OLIG2: variants seen among roughly 807,000 people sequenced by gnomAD.
OLIG2 encodes basic domain, helix-loop-helix protein, class B, 1.
In OLIG2, 12 loss-of-function variants were observed where a neutral mutation model predicts 13.4. The observed-to-expected ratio is 0.90, with a 90% CI of 0.58 to 1.46. The LOEUF (loss-of-function observed/expected upper bound fraction) is 1.46. OLIG2 is among the 40% of genes most tolerant of loss of function. The pLI is 0.00. For missense variants in OLIG2, 415 were observed against 487.9 expected (o/e 0.85, Z 1.41); for synonymous variants, 250 against 233.6 (o/e 1.07, Z -0.64).
At position 33,026,609 on chromosome 21, in the gene OLIG2, C is replaced by G. The variant is rs994097532; in HGVS notation, c.-62-192C>G. 4 of 563,290 alleles carry G rather than the reference C, an allele frequency of 7.1e-6. No homozygotes were observed. Among genetic ancestry groups the G allele is most frequent in the Non-Finnish European group, 1.3e-5 (4 of 316,598 alleles). The allele number at this position is 563,290 out of a possible 1,614,324, so 34.9% of individuals were successfully genotyped here. ...GAGAGAGCTTAATTATAGGTACCCG[C>G]GTGCAGCTAAAAGGAGGGCCAGAGA... On this transcript the variant is annotated intron_variant, in intron 1 of 1. Transcript: ENST00000382357. The surrounding 1 kb of genome is among the most constrained non-coding windows in gnomAD (Gnocchi z 6.6).
rs1236584906 is a variant in OLIG2, at chr21:33,028,631, AG to A, written c.*801del. The A allele has an allele frequency of 4.2e-6, 1 of 239,354 alleles. No individual in the cohort carries two copies. The allele number at this position is 239,354 out of a possible 1,614,324, so 14.8% of individuals were successfully genotyped here. On this transcript the variant is annotated 3_prime_UTR_variant, in exon 2 of 2. Coordinates refer to ENST00000382357, the MANE Select transcript of OLIG2 (RefSeq NM_005806.4). ...GGAATAACCCAAAACTGCCGATTTC[AG>A]GGGCGGGTGCATTGTAGTTATTATT...
chr21:33,029,116 A>G lies in OLIG2; in HGVS notation c.*1282A>G. 4.6e-6 allele frequency: 1 copy of G among 215,684 alleles called. No individual in the cohort carries two copies. The highest frequency in any genetic ancestry group is 1.0e-5 in the Non-Finnish European group (1 of 97,402). The allele number at this position is 215,684 out of a possible 1,614,324, so 13.4% of individuals were successfully genotyped here. ...TTTATTTTTGTAAAAACAAAGTGCT[A>G]AATAATATTTATTACTTGTTTGGTT... On this transcript the variant is annotated 3_prime_UTR_variant, in exon 2 of 2. Transcript: ENST00000382357.
In OLIG2 at chr21:33,026,752, C is replaced by CT. The variant is rs1568808261; in HGVS notation, c.-62-49_-62-48insT. 3.0e-5 allele frequency: 40 copies of CT among 1,323,320 alleles called. No homozygotes were observed. The highest frequency in any genetic ancestry group is 2.2e-4 in the African/African-American group (15 of 67,922). 82.0% of individuals were successfully genotyped at this position (1,323,320 alleles called of 1,614,324 possible). On this transcript the variant is annotated intron_variant, in intron 1 of 1. Transcript: ENST00000382357. This position sits in a 1 kb window ranked among gnomAD's most constrained non-coding sequence, Gnocchi z 6.6. ...TCACTGACTCACTCTCTCTCTCTCT[C>CT]CCTCTCTCTCTCTCTCATTCTCTCT... is the stretch of plus-strand genomic sequence containing the variant.
rs531681936 is a variant in OLIG2 at position 33,027,952 on chromosome 21, G to T, written c.*118G>T. The T allele has an allele frequency of 3.5e-6, 4 of 1,155,124 alleles. No homozygotes were observed. The Admixed American group carries it at 1.7e-4, about 49-fold the overall frequency. The allele number at this position is 1,155,124 out of a possible 1,614,324, so 71.6% of individuals were successfully genotyped here. ...GAGGAGGGGCGCAGGACCATGGACT[G>T]GGGGTGGGGCATGGTGGGGATTCCA... On this transcript the variant is annotated 3_prime_UTR_variant, in exon 2 of 2. Transcript: ENST00000382357.
chr21:33,027,980 A>G lies in OLIG2; in HGVS notation c.*146A>G. On this transcript the variant is annotated 3_prime_UTR_variant, in exon 2 of 2. Coordinates refer to ENST00000382357, the MANE Select transcript of OLIG2 (RefSeq NM_005806.4). ...GGTGGGGCATGGTGGGGATTCCAGC[A>G]TCTGCGAACCCAAGCAATGGGGGCG... The G allele has an allele frequency of 1.1e-6, 1 of 941,184 alleles. No individual in the cohort carries two copies. Among genetic ancestry groups the G allele is most frequent in the Non-Finnish European group, 1.5e-6 (1 of 685,546 alleles). 58.3% of individuals were successfully genotyped at this position (941,184 alleles called of 1,614,324 possible).
Position 33,026,942 on chromosome 21 carries a change from A to C in OLIG2, c.80A>C (p.Lys27Thr). 6.2e-7 allele frequency: 1 copy of C among 1,612,470 alleles called. No individual in the cohort carries two copies. Among genetic ancestry groups the C allele is most frequent in the Non-Finnish European group, 8.5e-7 (1 of 1,179,904 alleles). The change falls in exon 2 of 2, where the codon AAG becomes ACG. Residue 27 changes from lysine (K) to threonine (T), a missense_variant. Lys to Thr is a moderately conservative substitution (Grantham distance 78, BLOSUM62 -1). This residue lies in a region of OLIG2 where 122 missense variants were observed against 126.8 expected (regional missense o/e 0.96). Transcript: ENST00000382357. The surrounding 1 kb of genome is among the most constrained non-coding windows in gnomAD (Gnocchi z 6.6). ...GACCTTTTTCTGCCGGCCCGGAGTA[A>C]GGGCAGCAGCGGCAGCGCCTTCACT... is the stretch of plus-strand genomic sequence containing the variant. Reference protein sequence around the residue: ...PDDLFLPARSKGSSGSAFTGG... With the variant: ...PDDLFLPARSTGSSGSAFTGG...
Position 33,027,129 on chromosome 21 carries a change from G to A in OLIG2, c.267G>A (p.Ala89=), listed in dbSNP as rs562023180. ...SSSTSSSTSS[A]AASSTKKDKK... is the part of the protein sequence containing the mutation. Reference sequence around the variant, plus strand: ...GCACCTCGTCGTCTACGTCGTCGGCGGCTGCGTCGTCCACCAAGAAGGACA... The same window carrying A: ...GCACCTCGTCGTCTACGTCGTCGGCAGCTGCGTCGTCCACCAAGAAGGACA... The change falls in exon 2 of 2, where the codon GCG becomes GCA. Residue 89 remains alanine (A), a synonymous_variant. Coordinates refer to ENST00000382357, the MANE Select transcript of OLIG2 (RefSeq NM_005806.4). 1 of 1,611,366 alleles carries A rather than the reference G, an allele frequency of 6.2e-7. No individual in the cohort carries two copies. The highest frequency in any genetic ancestry group is 1.1e-5 in the South Asian group (1 of 90,512).
rs1981076526 is a variant in OLIG2 at position 33,026,514 on chromosome 21, T to C, written c.-62-287T>C. On this transcript the variant is annotated intron_variant, in intron 1 of 1. Coordinates refer to ENST00000382357, the MANE Select transcript of OLIG2 (RefSeq NM_005806.4). The surrounding 1 kb of genome is among the most constrained non-coding windows in gnomAD (Gnocchi z 6.6). ...AACTGAAAGCCCGAAGCCTCTAGAATGCCACCCGCACCCCGAGGGTCACCA... is the reference window on the plus strand; with the variant it reads ...AACTGAAAGCCCGAAGCCTCTAGAACGCCACCCGCACCCCGAGGGTCACCA... 3.3e-6 allele frequency: 1 copy of C among 300,636 alleles called. No individual in the cohort carries two copies. Among genetic ancestry groups the C allele is most frequent in the Non-Finnish European group, 6.3e-6 (1 of 159,300 alleles). The allele number at this position is 300,636 out of a possible 1,614,324, so 18.6% of individuals were successfully genotyped here.
rs374769536 is a variant in OLIG2, at chr21:33,027,279, C to G, written c.417C>G (p.His139Gln). 10 of 1,607,864 alleles carry G rather than the reference C, an allele frequency of 6.2e-6. No homozygotes were observed. The highest frequency in any genetic ancestry group is 6.8e-6 in the Non-Finnish European group (8 of 1,177,604). ...DGLREVMPYAHGPSVRKLSKI... is the reference protein window; with the variant it reads ...DGLREVMPYAQGPSVRKLSKI... ...TCCGCGAGGTCATGCCGTACGCACA[C>G]GGCCCTTCGGTGCGCAAGCTTTCCA... The change falls in exon 2 of 2, where the codon CAC becomes CAG. Residue 139 changes from histidine to glutamine, a missense_variant. His to Gln is a conservative substitution (Grantham distance 24, BLOSUM62 0). This residue lies in a region of OLIG2 where 50 missense variants were observed against 119.9 expected (regional missense o/e 0.42). Transcript: ENST00000382357.
At position 33,026,888 on chromosome 21, in the gene OLIG2, C is replaced by A. The variant is rs1392656682; in HGVS notation, c.26C>A (p.Ser9Tyr). ...ATGGACTCGGACGCCAGCCTGGTGTCCAGCCGCCCGTCGTCGCCAGAGCCC... is the reference window on the plus strand; with the variant it reads ...ATGGACTCGGACGCCAGCCTGGTGTACAGCCGCCCGTCGTCGCCAGAGCCC... Reference protein sequence around the residue: MDSDASLVSSRPSSPEPDD... With the variant: MDSDASLVYSRPSSPEPDD... Residue 9 changes from serine (S) to tyrosine (Y), a missense_variant, in exon 2 of 2, where the codon TCC becomes TAC. Ser to Tyr is a moderately radical substitution (Grantham distance 144). Around this residue, in one of 3 missense-constraint regions of OLIG2, gnomAD observed 122 missense variants for 126.8 expected, o/e 0.96. Coordinates refer to ENST00000382357, the MANE Select transcript of OLIG2 (RefSeq NM_005806.4). This position sits in a 1 kb window ranked among gnomAD's most constrained non-coding sequence, Gnocchi z 6.6. 6.2e-7 allele frequency: 1 copy of A among 1,610,632 alleles called. No individual in the cohort carries two copies. The highest frequency in any genetic ancestry group is 8.5e-7 in the Non-Finnish European group (1 of 1,179,992).
At position 33,027,697 on chromosome 21, in the gene OLIG2, A is replaced by G; in HGVS notation, c.835A>G (p.Ser279Gly). Residue 279 changes from serine (S) to glycine (G), a missense_variant, in exon 2 of 2, where the codon AGT becomes GGT. Around this residue, in one of 3 missense-constraint regions of OLIG2, gnomAD observed 243 missense variants for 241.2 expected, o/e 1.01. Transcript: ENST00000382357. ...CCCGCTGGGGGGCGGGGGCGGCGGC[A>G]GTGGGGCGAGCGGGGGCTTCCAGCA... ...AAPLGGGGGGSGASGGFQHWG... is the reference protein window; with the variant it reads ...AAPLGGGGGGGGASGGFQHWG... 1 of 1,368,960 alleles carries G rather than the reference A, an allele frequency of 7.3e-7. No homozygotes were observed. The highest frequency in any genetic ancestry group is 9.3e-7 in the Non-Finnish European group (1 of 1,069,844). 84.8% of individuals were successfully genotyped at this position (1,368,960 alleles called of 1,614,324 possible).
rs1981127911 is a variant in OLIG2, at chr21:33,027,339, C to T, written c.477C>T (p.Ile159=). 2.5e-6 allele frequency: 4 copies of T among 1,575,962 alleles called. No homozygotes were observed. The highest frequency in any genetic ancestry group is 3.4e-6 in the Non-Finnish European group (4 of 1,161,172). Residue 159 remains isoleucine, a synonymous_variant, in exon 2 of 2, where the codon ATC becomes ATT. Transcript: ENST00000382357. ...CGCTGCTGCTGGCGCGCAACTACAT[C>T]CTCATGCTCACCAACTCGCTGGAGG... is the stretch of plus-strand genomic sequence containing the variant. ...IATLLLARNY[I]LMLTNSLEEM...
rs185712673 is a variant in OLIG2 at position 33,028,758 on chromosome 21, T to A, written c.*924T>A. The stretch of plus-strand genomic sequence containing the variant: ...GAACGTAACAGAATTAAAAGGCAGT[T>A]GCTGTGGAAACAGTTTGGGTTATTT... On this transcript the variant is annotated 3_prime_UTR_variant, in exon 2 of 2. Coordinates refer to ENST00000382357, the MANE Select transcript of OLIG2 (RefSeq NM_005806.4). 8.2e-4 allele frequency: 200 copies of A among 242,558 alleles called. 3 individuals carry two copies. In the South Asian group the frequency reaches 0.016, roughly 20 times the overall value. 15.0% of individuals were successfully genotyped at this position (242,558 alleles called of 1,614,324 possible).
chr21:33,027,785 CG>C lies in OLIG2; in HGVS notation c.925del (p.Ala309LeufsTer80). ...GTGCCGCCGCCGCACCACCACGTGT[CG>C]GCTATGGGCGCCGGCAGCCTGCCGC... is the stretch of plus-strand genomic sequence containing the variant. ...CQVPPPHHHV[S>X]AMGAGSLPRL... On this transcript the variant is annotated frameshift_variant, in exon 2 of 2. Coordinates refer to ENST00000382357, the MANE Select transcript of OLIG2 (RefSeq NM_005806.4). LOFTEE classifies it high-confidence loss of function. 7.0e-7 allele frequency: 1 copy of C among 1,425,298 alleles called. No individual in the cohort carries two copies. Among genetic ancestry groups the C allele is most frequent in the Non-Finnish European group, 9.1e-7 (1 of 1,095,006 alleles). The allele number at this position is 1,425,298 out of a possible 1,614,324, so 88.3% of individuals were successfully genotyped here.
In OLIG2 at chr21:33,027,989, C is replaced by T. The variant is rs1981169444; in HGVS notation, c.*155C>T. ...TGGTGGGGATTCCAGCATCTGCGAACCCAAGCAATGGGGGCGCCCACAGAG... is the reference window on the plus strand; with the variant it reads ...TGGTGGGGATTCCAGCATCTGCGAATCCAAGCAATGGGGGCGCCCACAGAG... On this transcript the variant is annotated 3_prime_UTR_variant, in exon 2 of 2. Transcript: ENST00000382357. 1 of 835,364 alleles carries T rather than the reference C, an allele frequency of 1.2e-6. No individual in the cohort carries two copies. The highest frequency in any genetic ancestry group is 1.7e-6 in the Non-Finnish European group (1 of 587,816). The allele number at this position is 835,364 out of a possible 1,614,324, so 51.7% of individuals were successfully genotyped here.
Position 33,026,912 on chromosome 21 carries a change from C to T in OLIG2, c.50C>T (p.Pro17Leu), listed in dbSNP as rs773979053. 6 of 1,611,976 alleles carry T rather than the reference C, an allele frequency of 3.7e-6. No individual in the cohort carries two copies. The highest frequency in any genetic ancestry group is 4.2e-6 in the Non-Finnish European group (5 of 1,179,984). Residue 17 changes from proline to leucine, a missense_variant, in exon 2 of 2, where the codon CCC (proline) becomes CTC (leucine). Physicochemically the swap from Pro to Leu is moderately conservative, Grantham distance 98. This residue lies in a region of OLIG2 where 122 missense variants were observed against 126.8 expected (regional missense o/e 0.96). Coordinates refer to ENST00000382357, the MANE Select transcript of OLIG2 (RefSeq NM_005806.4). This position sits in a 1 kb window ranked among gnomAD's most constrained non-coding sequence, Gnocchi z 6.6. ...TCCAGCCGCCCGTCGTCGCCAGAGCCCGATGACCTTTTTCTGCCGGCCCGG... is the reference window on the plus strand; with the variant it reads ...TCCAGCCGCCCGTCGTCGCCAGAGCTCGATGACCTTTTTCTGCCGGCCCGG... ...LVSSRPSSPE[P>L]DDLFLPARSK...
Position 33,027,761 on chromosome 21 carries a change from TGCC to T in OLIG2, c.908_910del (p.Pro303del), listed in dbSNP as rs1461229744. On this transcript the variant is annotated inframe_deletion, in exon 2 of 2. Coordinates refer to ENST00000382357, the MANE Select transcript of OLIG2 (RefSeq NM_005806.4). The stretch of plus-strand genomic sequence containing the variant: ...CCCTGCCCCTGCAGCATGTGCCAGG[TGCC>T]GCCGCCGCACCACCACGTGTCGGCT... 7 of 1,411,050 alleles carry T rather than the reference TGCC, an allele frequency of 5.0e-6. No homozygotes were observed. The highest frequency in any genetic ancestry group is 1.5e-5 in the South Asian group (1 of 67,716). 87.4% of individuals were successfully genotyped at this position (1,411,050 alleles called of 1,614,324 possible).
chr21:33,027,952 G>A lies in OLIG2; in HGVS notation c.*118G>A. On this transcript the variant is annotated 3_prime_UTR_variant, in exon 2 of 2. Transcript: ENST00000382357. ...GAGGAGGGGCGCAGGACCATGGACT[G>A]GGGGTGGGGCATGGTGGGGATTCCA... 2 of 1,155,122 alleles carry A rather than the reference G, an allele frequency of 1.7e-6. No homozygotes were observed. The highest frequency in any genetic ancestry group is 1.6e-5 in the African/African-American group (1 of 61,644). 71.6% of individuals were successfully genotyped at this position (1,155,122 alleles called of 1,614,324 possible).
chr21:33,027,997 A>G lies in OLIG2; in HGVS notation c.*163A>G. On this transcript the variant is annotated 3_prime_UTR_variant, in exon 2 of 2. Transcript: ENST00000382357. ...ATTCCAGCATCTGCGAACCCAAGCA[A>G]TGGGGGCGCCCACAGAGCAGTGGGG... 1.4e-6 allele frequency: 1 copy of G among 730,408 alleles called. No homozygotes were observed. The highest frequency in any genetic ancestry group is 2.0e-6 in the Non-Finnish European group (1 of 491,782). 45.2% of individuals were successfully genotyped at this position (730,408 alleles called of 1,614,324 possible). A position where few individuals can be genotyped will look rare whatever the true frequency, so the allele number is the denominator to read the frequency against.
Sources: allele counts gnomAD v4.1 joint callset, GRCh38; gene constraint gnomAD v4.1.1; regional missense constraint gnomAD v4.1.1; non-coding constraint Gnocchi (gnomAD v3.1); transcripts MANE v1.5; gene names NCBI Gene and HGNC (gene_info 2026-07-23, HGNC 2026-07-21).